The following PTP4A1 variants were observed in gnomAD, a reference collection of about 807,000 sequenced individuals.
PTP4A1 encodes protein tyrosine phosphatase type IVA 1.
Under a neutral mutation model 20.5 loss-of-function variants are expected in PTP4A1, and 9 were observed. That is an observed-to-expected ratio of 0.44 (90% CI 0.26 to 0.77). The LOEUF is 0.77. PTP4A1 is among the 30% of genes least tolerant of loss of function. PTP4A1 has a pLI of 0.19. For missense variants in PTP4A1, 137 were observed against 218.8 expected (o/e 0.63, Z 2.36); for synonymous variants, 78 against 67.4 (o/e 1.16, Z -0.77).
chr6:63,554,386 T>G (rs1776581947), intron 3 of PTP4A1, among the ~76,000 whole-genome samples: 1 of 152,196 alleles, frequency 6.6e-6, no homozygotes, highest in Non-Finnish European at 1.5e-5. Context: ...TAGACTGTAG[T>G]CCCAAATCCT....
At chr6:63,519,797 G>A (rs954715073), upstream of PTP4A1, among the ~76,000 whole-genome samples, 3 of 152,110 alleles carry the variant, frequency 2.0e-5, no homozygotes, top group Non-Finnish European at 4.4e-5. Flanking sequence ...AAACCAATAA[G>A]AAAATTAGAA....
intron 5 of PTP4A1, among the ~76,000 whole-genome samples, 175 bp from the exon 6 acceptor site, chr6:63,579,882 A>G (rs1778113274): frequency 6.6e-6 from 1 of 152,192 alleles, no homozygotes; most frequent in Non-Finnish European, 1.5e-5. Flanking sequence ...TTAACTTTTT[A>G]TGATTTTTTC....
At chr6:63,523,524 T>C (rs1000023914) in intron 1 of PTP4A1, among the ~76,000 whole-genome samples, 5 of 151,798 alleles carry the variant, frequency 3.3e-5, no homozygotes, top group African/African-American at 1.2e-4. Flanking sequence ...AATAAATAAA[T>C]AAATAAATAA....
intron 2 of PTP4A1, among the ~76,000 whole-genome samples, chr6:63,536,024 C>A (rs535731226): frequency 6.6e-6 from 1 of 151,798 alleles, no homozygotes; most frequent in Non-Finnish European, 1.5e-5. Context: ...CCACCCACCT[C>A]GGCCTCCCAA....
At chr6:63,555,857 C>A (rs113241557) in intron 3 of PTP4A1, among the ~76,000 whole-genome samples, 103 of 152,112 alleles carry the variant, frequency 6.8e-4, no homozygotes, top group African/African-American at 2.5e-3. Context: ...GAATACCCAG[C>A]TAATTTTTGC....
Position 63,581,082 on chromosome 6 carries a change from A to G in PTP4A1, c.*908A>G, listed in dbSNP as rs920396898. The G allele has an allele frequency of 6.6e-6, 1 of 152,064 alleles. No homozygotes were observed. The highest frequency in any genetic ancestry group is 1.5e-5 in the Non-Finnish European group (1 of 67,990). 9.4% of individuals were successfully genotyped at this position (152,064 alleles called of 1,614,324 possible). ...ATCATAAACTTCCTGAAATTCTTGT[A>G]ATTTTTTTCCCATACTTATCAGAAG... On this transcript the variant is annotated 3_prime_UTR_variant, in exon 6 of 6. Coordinates refer to ENST00000626021, the MANE Select transcript of PTP4A1 (RefSeq NM_003463.5).
chr6:63,521,866 C>G (rs1774937850), intron 1 of PTP4A1: 1 of 152,072 alleles, frequency 6.6e-6, no homozygotes, highest in Admixed American at 6.6e-5. Flanking sequence ...TTATGGAACA[C>G]CTAGGGACAG....
intron 2 of PTP4A1, among the ~76,000 whole-genome samples, chr6:63,578,144 T>C (rs1777992532): frequency 6.6e-6 from 1 of 152,166 alleles, no homozygotes; most frequent in South Asian, 2.1e-4. Flanking sequence ...TTACCATGAC[T>C]GTAAACAACT....
chr6:63,517,669 T>A (rs1774779874), upstream of PTP4A1, among the ~76,000 whole-genome samples: 1 of 151,986 alleles, frequency 6.6e-6, no homozygotes, highest in Non-Finnish European at 1.5e-5. Context: ...CACACATATA[T>A]ATGACTTTTA....
At chr6:63,557,088 G>A (rs1386669667) in intron 3 of PTP4A1, among the ~76,000 whole-genome samples, 1 of 152,186 alleles carries the variant, frequency 6.6e-6, no homozygotes, top group Non-Finnish European at 1.5e-5. Flanking sequence ...TAAGCACAGG[G>A]AAATTAATAG....
intron 3 of PTP4A1, among the ~76,000 whole-genome samples, chr6:63,565,767 GTAGCTCT>G (rs1777167530): frequency 6.6e-6 from 1 of 152,204 alleles, no homozygotes; most frequent in Admixed American, 6.5e-5. Flanking sequence ...AAATTAGGAT[GTAGCTCT>G]GCTACAGCAT....
At chr6:63,549,419 G>A in intron 2 of PTP4A1, 1 of 751,150 alleles carries the variant, frequency 1.3e-6, no homozygotes, top group South Asian at 1.4e-5. Flanking sequence ...TTCTCAAACA[G>A]GGGATTCACC....
chr6:63,549,333 T>C (rs1056482010), intron 2 of PTP4A1: 20 of 753,906 alleles, frequency 2.7e-5, no homozygotes, highest in Non-Finnish European at 3.6e-5. Flanking sequence ...CCTGATATAG[T>C]GGGGGCCATT....
intron 2 of PTP4A1, among the ~76,000 whole-genome samples, chr6:63,535,562 C>T (rs1775681580): frequency 6.6e-6 from 1 of 152,124 alleles, no homozygotes; most frequent in Non-Finnish European, 1.5e-5. Flanking sequence ...TGGCATTTGC[C>T]AGTTGTACAT....
chr6:63,579,063 A>G, intron 4 of PTP4A1, 35 bp downstream of exon 4: 1 of 1,533,554 alleles, frequency 6.5e-7, no homozygotes, highest in South Asian at 1.3e-5. Context: ...CTAGGTAAAA[A>G]TCTATTGATA....
chr6:63,549,972 T>A lies in PTP4A1; in HGVS notation c.-639-328T>A, dbSNP rs561820022. Among the ~76,000 whole-genome samples, 4 of 152,222 alleles carry A rather than the reference T, an allele frequency of 2.6e-5. No homozygotes were observed. In the South Asian group the frequency reaches 8.3e-4, roughly 32 times the overall value. Reference sequence around the variant, plus strand: ...AGGAGGATATTGAATGTTCACAACATAAAGAAGTGATAAATGTTTGAGATG... The same window carrying A: ...AGGAGGATATTGAATGTTCACAACAAAAAGAAGTGATAAATGTTTGAGATG... On this transcript the variant is annotated intron_variant, in intron 2 of 3. Transcript: ENST00000639568.
intron 2 of PTP4A1, chr6:63,549,302 G>T (rs1776333828): frequency 1.3e-6 from 1 of 754,004 alleles, no homozygotes; most frequent in South Asian, 1.4e-5. Flanking sequence ...ACTTACAGAG[G>T]ATGGCTCTCT....
intron 2 of PTP4A1, among the ~76,000 whole-genome samples, chr6:63,536,008 G>A (rs117975401): frequency 0.01 from 1,528 of 151,356 alleles, 54 homozygotes; most frequent in East Asian, 0.078. Flanking sequence ...CGTGACATCA[G>A]GTGATCCACC....
intron 3 of PTP4A1, among the ~76,000 whole-genome samples, chr6:63,560,165 C>T (rs1404339887): frequency 6.6e-6 from 1 of 151,688 alleles, no homozygotes; most frequent in African/African-American, 2.4e-5. Flanking sequence ...TGGGGAAACC[C>T]CGTCTCTACT....
Sources: gnomAD v4.1 joint callset for allele counts (sites outside exome capture counted in the v4.1 genomes callset) on GRCh38, gnomAD v4.1.1 for gene constraint, MANE v1.5 for transcripts, NCBI Gene and HGNC (gene_info 2026-07-23, HGNC 2026-07-21) for gene names.